UGT2A1: variants seen among roughly 807,000 people sequenced by gnomAD.
The protein encoded by UGT2A1 is UDP-glucuronosyltransferase 2A1.
A neutral mutation model predicts 45.4 loss-of-function variants in UGT2A1; 61 were observed. The observed-to-expected ratio is 1.34, with a 90% CI of 1.09 to 1.66. UGT2A1 has a LOEUF of 1.66. Ranked by LOEUF, UGT2A1 falls within the 40% of genes most tolerant of loss-of-function variation. UGT2A1 has a pLI of 0.00. For synonymous variants in UGT2A1, 229 were observed against 196.2 expected (o/e 1.17, Z -1.40); for missense variants, 649 against 574.3 (o/e 1.13, Z -1.33).
In UGT2A1 at chr4:69,594,583, T is replaced by C. The variant is rs755708608; in HGVS notation, c.1198A>G (p.Asn400Asp). Residue 400 changes from asparagine to aspartate, a missense_variant, in exon 6 of 7, where the codon AAC becomes GAC. By Grantham distance (23) the Asn-to-Asp change is conservative. Coordinates refer to ENST00000286604, the MANE Select transcript of UGT2A1 (RefSeq NM_001252275.3). ...GVPMFADQPD[N>D]IAHMKAKGAA... ...CCTTTGGCCTTCATGTGAGCAATGT[T>C]ATCAGGCTGATCAGCAAACATGGGA... The C allele has an allele frequency of 5.0e-6, 8 of 1,614,056 alleles. No homozygotes were observed. The highest frequency in any genetic ancestry group is 6.8e-6 in the Non-Finnish European group (8 of 1,180,032).
intron 1 of UGT2A1, among the ~76,000 whole-genome samples, chr4:69,649,811 A>C (rs989528854): frequency 3.3e-5 from 5 of 152,172 alleles, no homozygotes; most frequent in Non-Finnish European, 7.4e-5. Flanking sequence ...TGCACAGATA[A>C]GATTAGTTAC....
At chr4:69,620,583 C>A (rs1720692985) in intron 3 of UGT2A1, among the ~76,000 whole-genome samples, 2 of 149,904 alleles carry the variant, frequency 1.3e-5, no homozygotes, top group East Asian at 2.0e-4. Context: ...CAAGGCTATT[C>A]ATATTAAACT....
intron 3 of UGT2A1, among the ~76,000 whole-genome samples, chr4:69,627,284 A>T (rs1158787319): frequency 3.3e-5 from 5 of 151,898 alleles, no homozygotes; most frequent in Non-Finnish European, 5.9e-5. Context: ...AAAAAATCAA[A>T]TCCACTGCTT....
chr4:69,623,083 C>T (rs867534956), intron 3 of UGT2A1, among the ~76,000 whole-genome samples: 1 of 151,808 alleles, frequency 6.6e-6, no homozygotes, highest in African/African-American at 2.4e-5. Flanking sequence ...GCAATAAACA[C>T]AGATAACAGC....
chr4:69,633,307 A>T (rs112614775), intron 3 of UGT2A1, among the ~76,000 whole-genome samples: 4,462 of 152,292 alleles, frequency 0.029, 221 homozygotes, highest in African/African-American at 0.1. Flanking sequence ...ATAAATACCA[A>T]AAAGAACAAT....
intron 3 of UGT2A1, among the ~76,000 whole-genome samples, chr4:69,601,390 C>A (rs1719284298): frequency 6.6e-6 from 1 of 152,126 alleles, no homozygotes; most frequent in African/African-American, 2.4e-5. Flanking sequence ...TCCCCGCCCC[C>A]CGGAGTACTA....
chr4:69,595,928 CTT>C (rs895029889), intron 4 of UGT2A1, among the ~76,000 whole-genome samples: 8 of 152,122 alleles, frequency 5.3e-5, no homozygotes, highest in African/African-American at 1.7e-4. Context: ...AACTTCAAAA[CTT>C]TTGAAAGTAG....
intron 1 of UGT2A1, among the ~76,000 whole-genome samples, chr4:69,649,307 T>G (rs4148275): frequency 0.31 from 46,798 of 151,818 alleles, 7,780 homozygotes; most frequent in African/African-American, 0.43. Flanking sequence ...TCCATTGAAG[T>G]TTCTCTGCAG....
intron 3 of UGT2A1, among the ~76,000 whole-genome samples, chr4:69,620,222 AT>A (rs896797404): frequency 3.3e-5 from 5 of 152,018 alleles, no homozygotes; most frequent in African/African-American, 1.2e-4. Flanking sequence ...ATGATTCTAT[AT>A]GTAGAAAACC....
At chr4:69,636,592 T>C (rs1014175298) in intron 2 of UGT2A1, among the ~76,000 whole-genome samples, 1 of 152,164 alleles carries the variant, frequency 6.6e-6, no homozygotes, top group Admixed American at 6.5e-5. Context: ...TTCACACTTA[T>C]CTAATTTGTT....
rs1430990638 is a variant in UGT2A1 at position 69,588,514 on chromosome 4, ATAAT to A, written c.*854_*857del. On this transcript the variant is annotated 3_prime_UTR_variant, in exon 7 of 7. Transcript: ENST00000286604. Reference sequence around the variant, plus strand: ...TTATGAACATTAGTGATTTTTAAGCATAATTAATTGATGTTTTATGTAATTATTT... The same window carrying A: ...TTATGAACATTAGTGATTTTTAAGCATAATTGATGTTTTATGTAATTATTT... 6.6e-6 allele frequency: 1 copy of A among 152,136 alleles called. No individual in the cohort carries two copies. Among genetic ancestry groups the A allele is most frequent in the African/African-American group, 2.4e-5 (1 of 41,456 alleles). The allele number at this position is 152,136 out of a possible 1,614,324, so 9.4% of individuals were successfully genotyped here. A position where few individuals can be genotyped will look rare whatever the true frequency, so the allele number is the denominator to read the frequency against.
chr4:69,605,137 C>T lies in UGT2A1; in HGVS notation c.848-5743G>A, dbSNP rs181007838. 6.6e-5 allele frequency among the ~76,000 whole-genome samples: 9 copies of T among 136,756 alleles called. 2 individuals are homozygous for T. Among genetic ancestry groups the T allele is most frequent in the African/African-American group, 1.5e-4 (5 of 33,854 alleles). The allele number at this position is 136,756 out of a possible 152,430, so 89.7% of individuals were successfully genotyped here. A position where few individuals can be genotyped will look rare whatever the true frequency, so the allele number is the denominator to read the frequency against. On this transcript the variant is annotated intron_variant, in intron 3 of 6. Transcript: ENST00000286604. ...ATATACATTCTTCTCAGCACCACACCGCACTTATTCCAAAATTGACCACAT... is the reference window on the plus strand; with the variant it reads ...ATATACATTCTTCTCAGCACCACACTGCACTTATTCCAAAATTGACCACAT...
At chr4:69,618,178 C>A (rs1720510680) in intron 3 of UGT2A1, among the ~76,000 whole-genome samples, 1 of 143,100 alleles carries the variant, frequency 7.0e-6, no homozygotes, top group African/African-American at 2.6e-5. Context: ...GATAAATAGG[C>A]CAGTAAGCAT....
chr4:69,611,086 T>C (rs867787495), intron 3 of UGT2A1, among the ~76,000 whole-genome samples: 12 of 151,618 alleles, frequency 7.9e-5, no homozygotes, highest in Middle Eastern at 3.4e-3. Context: ...AATTTTAAAA[T>C]AGGTAGAATA....
intron 4 of UGT2A1, among the ~76,000 whole-genome samples, chr4:69,598,982 C>T (rs1157813414): frequency 6.6e-6 from 1 of 152,130 alleles, no homozygotes; most frequent in Non-Finnish European, 1.5e-5. Flanking sequence ...TTTTCTGTCC[C>T]ACCAAGTCCA....
intron 6 of UGT2A1, among the ~76,000 whole-genome samples, chr4:69,593,976 T>TG (rs1553902923): frequency 8.2e-6 from 1 of 122,068 alleles, no homozygotes; most frequent in African/African-American, 3.1e-5. Flanking sequence ...TCTTTTTTTT[T>TG]GTTTGTTTTT....
At chr4:69,649,081 G>A (rs1046442050) in intron 1 of UGT2A1, among the ~76,000 whole-genome samples, 3 of 152,084 alleles carry the variant, frequency 2.0e-5, no homozygotes, top group Admixed American at 1.3e-4. Context: ...GTATGCATAT[G>A]TCTGTGAATA....
chr4:69,632,170 A>G (rs369265355), intron 3 of UGT2A1, among the ~76,000 whole-genome samples: 9 of 152,214 alleles, frequency 5.9e-5, no homozygotes, highest in African/African-American at 2.2e-4. Context: ...CATTCACAGC[A>G]ATTTTTAAAA....
intron 3 of UGT2A1, among the ~76,000 whole-genome samples, chr4:69,629,448 C>T (rs1316507223): frequency 6.6e-6 from 1 of 152,036 alleles, no homozygotes; most frequent in Non-Finnish European, 1.5e-5. Context: ...TATCTGAGGT[C>T]TTGGTCCACA....
Sources: allele counts gnomAD v4.1 joint callset (sites outside exome capture counted in the v4.1 genomes callset), GRCh38; gene constraint gnomAD v4.1.1; transcripts MANE v1.5; gene names NCBI Gene and HGNC (gene_info 2026-07-23, HGNC 2026-07-21).